Variants in NRXN1 observed in about 807,000 individuals in gnomAD.
The protein encoded by NRXN1 is neurexin 1.
Under a neutral mutation model 150.9 loss-of-function variants are expected in NRXN1, and 39 were observed. The observed-to-expected ratio is 0.26, with a 90% CI of 0.20 to 0.34. The LOEUF is 0.34. NRXN1 is among the 10% of genes least tolerant of loss of function. NRXN1 has a pLI of 1.00. For synonymous variants in NRXN1, 924 were observed against 757.0 expected, an observed-to-expected ratio of 1.22 and a Z score of -3.62; for missense variants, 1,815 against 1,949.9, an observed-to-expected ratio of 0.93 and a Z score of 1.30.
chr2:50,545,460 A>C (rs1221641535), intron 9 of NRXN1, among the ~76,000 whole-genome samples: 1 of 152,156 alleles, frequency 6.6e-6, no homozygotes, highest in Non-Finnish European at 1.5e-5. Flanking sequence ...TTAGGGTGCT[A>C]CTGATGCCAT....
At chr2:50,183,024 A>G (rs530707619) in intron 18 of NRXN1, among the ~76,000 whole-genome samples, 20 of 152,252 alleles carry the variant, frequency 1.3e-4, no homozygotes, top group African/African-American at 4.6e-4. Flanking sequence ...AATGATATTG[A>G]GTCTAAACCT....
chr2:50,098,376 G>A (rs1047561844), intron 18 of NRXN1, among the ~76,000 whole-genome samples: 1 of 152,030 alleles, frequency 6.6e-6, no homozygotes, highest in East Asian at 1.9e-4. Context: ...TGCATTGGGG[G>A]AAGCATCTGA....
At chr2:50,397,881 T>C (rs567831578) in intron 17 of NRXN1, among the ~76,000 whole-genome samples, 7 of 152,270 alleles carry the variant, frequency 4.6e-5, no homozygotes, top group Non-Finnish European at 1.0e-4. Context: ...CACATTCTAA[T>C]GGCAATCAAT....
At chr2:50,417,963 G>A (rs552745297) in intron 17 of NRXN1, among the ~76,000 whole-genome samples, 27 of 152,040 alleles carry the variant, frequency 1.8e-4, no homozygotes, top group African/African-American at 6.5e-4. Context: ...CAAGGTGGAG[G>A]AACGGAGTAC....
At chr2:50,383,180 C>T (rs1454577798) in intron 17 of NRXN1, among the ~76,000 whole-genome samples, 3 of 152,084 alleles carry the variant, frequency 2.0e-5, no homozygotes, top group African/African-American at 7.2e-5. Flanking sequence ...TCCTGGTATA[C>T]TATTGTGAGG....
rs1255450706 is a variant in NRXN1 at position 49,921,383 on chromosome 2, C to CAA, written c.*559_*560dup. The CAA allele has an allele frequency of 6.6e-6, 1 of 152,646 alleles. No homozygotes were observed. The highest frequency in any genetic ancestry group is 1.5e-5 in the Non-Finnish European group (1 of 68,110). 9.5% of individuals were successfully genotyped at this position (152,646 alleles called of 1,614,324 possible). A position where few individuals can be genotyped will look rare whatever the true frequency, so the allele number is the denominator to read the frequency against. On this transcript the variant is annotated 3_prime_UTR_variant, in exon 23 of 23. Transcript: ENST00000401669. ...GGGGCTTTTTGAATGTGTTCCTACA[C>CAA]AAGTCTTCAAAAAAGCCAGCACTTT...
intron 17 of NRXN1, among the ~76,000 whole-genome samples, chr2:50,442,157 G>C (rs577830542): frequency 6.6e-6 from 1 of 152,182 alleles, no homozygotes; most frequent in Non-Finnish European, 1.5e-5. Flanking sequence ...CTACTTAATA[G>C]CTCTATGATC....
rs566218041 is a variant in NRXN1, at chr2:50,298,933, T to C, written c.3365-61963A>G. Among the ~76,000 whole-genome samples, 44 of 152,300 alleles carry C rather than the reference T, an allele frequency of 2.9e-4. 1 individual carries two copies. The highest frequency in any genetic ancestry group is 9.4e-4 in the African/African-American group (39 of 41,590). Reference sequence around the variant, plus strand: ...TCAGATAGTACATGCTCTCTGCGGATAGCCTGTCCACTTTTCAAATGTAAT... The same window carrying C: ...TCAGATAGTACATGCTCTCTGCGGACAGCCTGTCCACTTTTCAAATGTAAT... On this transcript the variant is annotated intron_variant, in intron 17 of 22. Coordinates refer to ENST00000401669, the MANE Select transcript of NRXN1 (RefSeq NM_001330078.2).
In NRXN1 at chr2:50,225,154, C is replaced by T. The variant is rs189457406; in HGVS notation, c.3546+11635G>A. Among the ~76,000 whole-genome samples the T allele has an allele frequency of 4.6e-5, 7 of 152,076 alleles. No individual in the cohort carries two copies. The East Asian group carries it at 9.8e-4, about 21-fold the overall frequency. The stretch of plus-strand genomic sequence containing the variant: ...CCCAGGAGAACATCACGTGCTTTCA[C>T]GATTATCCTTTGGTACTGTACCTCA... On this transcript the variant is annotated intron_variant, in intron 18 of 22. Coordinates refer to ENST00000401669, the MANE Select transcript of NRXN1 (RefSeq NM_001330078.2).
intron 5 of NRXN1, chr2:50,829,771 C>CA: frequency 6.4e-7 from 1 of 1,554,132 alleles, no homozygotes; most frequent in South Asian, 1.2e-5. Flanking sequence ...AAGTGCCACT[C>CA]AGCCCTAATG....
chr2:50,585,182 T>C (rs947934753), intron 8 of NRXN1, among the ~76,000 whole-genome samples: 3 of 152,132 alleles, frequency 2.0e-5, no homozygotes, highest in Non-Finnish European at 4.4e-5. Context: ...CCGCAAAACG[T>C]TAGGCAAGTT....
chr2:50,926,052 C>T (rs1297615115), intron 2 of NRXN1, 97 bp from the exon 3 acceptor site: 7 of 884,656 alleles, frequency 7.9e-6, no homozygotes, highest in Non-Finnish European at 7.4e-6. Context: ...TCATGCAAGG[C>T]ACCAAACACA....
chr2:50,019,158 AT>A (rs1687095085), intron 21 of NRXN1: 2 of 470,826 alleles, frequency 4.2e-6, no homozygotes, highest in Admixed American at 2.4e-5. Context: ...TACTCATCCT[AT>A]CCCTTTGCAC....
At chr2:50,642,728 C>A (rs1282387533) in intron 5 of NRXN1, among the ~76,000 whole-genome samples, 5 of 151,988 alleles carry the variant, frequency 3.3e-5, no homozygotes, top group African/African-American at 1.2e-4. Context: ...GTAATAGTTT[C>A]AATGTAAAAA....
At chr2:50,597,353 C>G (rs972786961) in intron 8 of NRXN1, among the ~76,000 whole-genome samples, 2 of 152,184 alleles carry the variant, frequency 1.3e-5, no homozygotes, top group Non-Finnish European at 1.5e-5. Flanking sequence ...TGAGGATCTA[C>G]TTTCAAGGTT....
At chr2:50,155,360 G>C (rs767219366) in intron 18 of NRXN1, among the ~76,000 whole-genome samples, 3 of 150,736 alleles carry the variant, frequency 2.0e-5, no homozygotes, top group Non-Finnish European at 4.4e-5. Context: ...ATTTTGCTTG[G>C]GGCCCTCAGG....
At chr2:50,104,683 C>T (rs761017050) in intron 18 of NRXN1, among the ~76,000 whole-genome samples, 2 of 151,992 alleles carry the variant, frequency 1.3e-5, no homozygotes, top group African/African-American at 4.8e-5. Context: ...AGCTGAGCCT[C>T]AAAAGCTTGT....
chr2:50,695,486 G>T (rs1692693279), intron 5 of NRXN1, among the ~76,000 whole-genome samples: 1 of 152,284 alleles, frequency 6.6e-6, no homozygotes, highest in Non-Finnish European at 1.5e-5. Flanking sequence ...CTTAGCCAGA[G>T]ACATCTTGCT....
At chr2:50,491,730 G>A (rs1238502441) in intron 15 of NRXN1, among the ~76,000 whole-genome samples, 3 of 152,098 alleles carry the variant, frequency 2.0e-5, no homozygotes, top group Non-Finnish European at 4.4e-5. Flanking sequence ...TTGCTAGGTG[G>A]CCACCTGAGG....
Sources: allele counts gnomAD v4.1 joint callset (sites outside exome capture counted in the v4.1 genomes callset), GRCh38; gene constraint gnomAD v4.1.1; transcripts MANE v1.5; gene names NCBI Gene and HGNC (gene_info 2026-07-23, HGNC 2026-07-21).